Variants in COL24A1 observed in about 807,000 individuals in gnomAD.
COL24A1 encodes the protein collagen type XXIV alpha 1 chain.
COL24A1 carries 224 observed loss-of-function variants against 253.9 expected under a neutral mutation model. The ratio of observed to expected loss-of-function variants is 0.88; its 90% CI spans 0.79 to 0.99. The LOEUF (loss-of-function observed/expected upper bound fraction) is 0.99. Among genes scored for constraint, COL24A1 ranks in the 50% least tolerant of loss-of-function variants. COL24A1 has a pLI of 0.00. For missense variants in COL24A1, 2,131 were observed against 2,068.5 expected, an observed-to-expected ratio of 1.03 and a Z score of -0.59; for synonymous variants, 685 against 673.7, an observed-to-expected ratio of 1.02 and a Z score of -0.26.
At chr1:85,976,446 A>G (rs1355135052) in intron 20 of COL24A1, among the ~76,000 whole-genome samples, 1 of 152,004 alleles carries the variant, frequency 6.6e-6, no homozygotes, top group African/African-American at 2.4e-5. Context: ...TGGCCCAAGA[A>G]CCACACCCCC....
Position 85,877,115 on chromosome 1 carries a change from A to G in COL24A1, c.3030+7T>C, listed in dbSNP as rs771969331. 1 of 1,600,872 alleles carries G rather than the reference A, an allele frequency of 6.2e-7. No individual in the cohort carries two copies. Among genetic ancestry groups the G allele is most frequent in the African/African-American group, 1.3e-5 (1 of 74,466 alleles). On this transcript the variant is annotated splice_region_variant and intron_variant, in intron 33 of 59. Coordinates refer to ENST00000370571, the MANE Select transcript of COL24A1 (RefSeq NM_152890.7). ...TTATGAAGAAGAACTAGCCACAAAAAATTTACCTCCATGCCCATTTCTCCA... is the reference window on the plus strand; with the variant it reads ...TTATGAAGAAGAACTAGCCACAAAAGATTTACCTCCATGCCCATTTCTCCA...
At chr1:85,799,499 C>G (rs1671203516) in intron 47 of COL24A1, among the ~76,000 whole-genome samples, 1 of 150,054 alleles carries the variant, frequency 6.7e-6, no homozygotes, top group Non-Finnish European at 1.5e-5. Context: ...AGTAGTTTTT[C>G]TATTACCACA....
At chr1:85,914,449 G>A (rs922224720) in intron 24 of COL24A1, among the ~76,000 whole-genome samples, 9 of 149,632 alleles carry the variant, frequency 6.0e-5, no homozygotes, top group African/African-American at 1.5e-4. Flanking sequence ...GGAGTGCAAT[G>A]GCGCGATCCT....
intron 20 of COL24A1, among the ~76,000 whole-genome samples, chr1:85,977,257 T>C (rs1424596929): frequency 6.6e-6 from 1 of 152,090 alleles, no homozygotes; most frequent in Admixed American, 6.6e-5. Context: ...ACTGAAACAG[T>C]CTATCCAAAT....
chr1:85,902,847 A>G (rs1684451855), intron 28 of COL24A1, among the ~76,000 whole-genome samples: 1 of 152,206 alleles, frequency 6.6e-6, no homozygotes, highest in Non-Finnish European at 1.5e-5. Context: ...ATAACAGAGT[A>G]GGGTGACTAT....
At chr1:86,119,450 G>A (rs1187077015) in intron 3 of COL24A1, among the ~76,000 whole-genome samples, 2 of 152,274 alleles carry the variant, frequency 1.3e-5, no homozygotes, top group African/African-American at 2.4e-5. Context: ...AGGTGGAGCT[G>A]AAGAAGAACA....
At chr1:86,005,656 G>A (rs1695879455) in intron 19 of COL24A1, among the ~76,000 whole-genome samples, 1 of 151,892 alleles carries the variant, frequency 6.6e-6, no homozygotes, top group Non-Finnish European at 1.5e-5. Flanking sequence ...ATTAGAAAAG[G>A]AACAAAGCAA....
intron 19 of COL24A1, among the ~76,000 whole-genome samples, chr1:86,005,600 A>C (rs900933173): frequency 2.0e-5 from 3 of 152,110 alleles, no homozygotes; most frequent in African/African-American, 7.2e-5. Flanking sequence ...AGAAGAAATA[A>C]CAGACCTTAA....
intron 5 of COL24A1, among the ~76,000 whole-genome samples, chr1:86,095,961 A>G (rs757312982): frequency 5.2e-4 from 79 of 152,088 alleles, no homozygotes; most frequent in African/African-American, 2.7e-4. Context: ...GGACCCATTA[A>G]CATGTTAGAA....
intron 2 of COL24A1, among the ~76,000 whole-genome samples, chr1:86,129,265 T>C (rs1203719591): frequency 6.6e-6 from 1 of 151,780 alleles, no homozygotes; most frequent in Non-Finnish European, 1.5e-5. Context: ...TTATTTTTGT[T>C]TTCCTATGTC....
At chr1:86,142,406 C>T (rs953133948) in intron 2 of COL24A1, among the ~76,000 whole-genome samples, 2 of 151,274 alleles carry the variant, frequency 1.3e-5, no homozygotes, top group Non-Finnish European at 3.0e-5. Context: ...GCCTGTAGTC[C>T]CAGCTACTCG....
At chr1:85,823,858 A>T in intron 43 of COL24A1, 120 bp from the exon 44 acceptor site, 1 of 834,874 alleles carries the variant, frequency 1.2e-6, no homozygotes, top group Non-Finnish European at 1.9e-6. Flanking sequence ...TGTCGTAGAG[A>T]TTATGATTCT....
chr1:85,958,418 T>C (rs1363318709), intron 24 of COL24A1, among the ~76,000 whole-genome samples: 2 of 152,146 alleles, frequency 1.3e-5, no homozygotes, highest in Admixed American at 6.5e-5. Context: ...TCTGTGACTA[T>C]TTAATATCTG....
intron 3 of COL24A1, among the ~76,000 whole-genome samples, chr1:86,118,631 T>G (rs948210603): frequency 2.0e-5 from 3 of 152,092 alleles, no homozygotes; most frequent in African/African-American, 7.2e-5. Context: ...CATTAACAGA[T>G]AAATACATAA....
intron 7 of COL24A1, among the ~76,000 whole-genome samples, chr1:86,085,340 T>C (rs926271004): frequency 5.9e-5 from 9 of 152,156 alleles, no homozygotes; most frequent in Non-Finnish European, 1.2e-4. Flanking sequence ...AAATTCACAC[T>C]GATTTATAAT....
In COL24A1 at chr1:85,908,597, C is replaced by G. The variant is rs1275110265; in HGVS notation, c.2724+1G>C. The G allele has an allele frequency of 1.4e-6, 2 of 1,458,454 alleles. No homozygotes were observed. Among genetic ancestry groups the G allele is most frequent in the East Asian group, 2.5e-5 (1 of 40,440 alleles). The allele number at this position is 1,458,454 out of a possible 1,614,324, so 90.3% of individuals were successfully genotyped here. ...AATCATAAAGTCTTTCCTGTACTTACAGGTAATCCCAATGGACCGATAGGT... is the reference window on the plus strand; with the variant it reads ...AATCATAAAGTCTTTCCTGTACTTAGAGGTAATCCCAATGGACCGATAGGT... On this transcript the variant is annotated splice_donor_variant, in intron 27 of 59. Coordinates refer to ENST00000370571, the MANE Select transcript of COL24A1 (RefSeq NM_152890.7). LOFTEE classifies it high-confidence loss of function.
intron 14 of COL24A1, among the ~76,000 whole-genome samples, chr1:86,028,233 C>T (rs577223125): frequency 4.6e-5 from 7 of 152,088 alleles, no homozygotes; most frequent in African/African-American, 9.7e-5. Flanking sequence ...GGGGGACTGT[C>T]GGAAAGGCAT....
chr1:85,979,245 G>A (rs1013548475), intron 20 of COL24A1, among the ~76,000 whole-genome samples: 2 of 152,040 alleles, frequency 1.3e-5, no homozygotes, highest in Non-Finnish European at 2.9e-5. Context: ...GTCTGAAAGA[G>A]CACAAATAGA....
At position 85,734,775 on chromosome 1, in the gene COL24A1, G is replaced by T. The variant is rs777409403; in HGVS notation, c.4972C>A (p.Pro1658Thr). Residue 1658 changes from proline (P) to threonine (T), a missense_variant, in exon 59 of 60, where the codon CCT (proline) becomes ACT (threonine). Physicochemically the swap from Pro to Thr is conservative, Grantham distance 38. Coordinates refer to ENST00000370571, the MANE Select transcript of COL24A1 (RefSeq NM_152890.7). Reference protein sequence around the residue: ...QIFKVNTLLEPKVLSDDCKIQ... With the variant: ...QIFKVNTLLETKVLSDDCKIQ... ...TTGCAGTCATCTGAAAGCACTTTAG[G>T]TTCAAGTAGAGTGTTTACTTTAAAA... 2 of 1,614,124 alleles carry T rather than the reference G, an allele frequency of 1.2e-6. No homozygotes were observed. The highest frequency in any genetic ancestry group is 3.3e-5 in the Admixed American group (2 of 60,016).
Sources: gnomAD v4.1 joint callset for allele counts (sites outside exome capture counted in the v4.1 genomes callset) on GRCh38, gnomAD v4.1.1 for gene constraint, MANE v1.5 for transcripts, NCBI Gene and HGNC (gene_info 2026-07-23, HGNC 2026-07-21) for gene names.